The following PHTF1 variants were observed in gnomAD, a reference collection of about 807,000 sequenced individuals.
PHTF1 encodes putative homeodomain transcription factor 1.
In PHTF1, 88 loss-of-function variants were observed where a neutral mutation model predicts 102.4. The ratio of observed to expected loss-of-function variants is 0.86; its 90% confidence interval spans 0.72 to 1.03. The LOEUF is 1.03. PHTF1 is among the 50% of genes least tolerant of loss of function. The pLI, the probability that PHTF1 is intolerant of heterozygous loss-of-function variation, is 0.00. For missense variants in PHTF1, 814 were observed against 909.5 expected, an observed-to-expected ratio of 0.89 and a Z score of 1.35; for synonymous variants, 289 against 305.2, an observed-to-expected ratio of 0.95 and a Z score of 0.55.
At chr1:113,753,710 C>T (rs1658428419) in intron 3 of PHTF1, among the ~76,000 whole-genome samples, 1 of 151,924 alleles carries the variant, frequency 6.6e-6, no homozygotes, top group Non-Finnish European at 1.5e-5. Flanking sequence ...AGGCATCAGC[C>T]ACCGTGCCCA....
chr1:113,726,773 T>C lies in PHTF1; in HGVS notation c.332-199A>G, dbSNP rs564871614. Among the ~76,000 whole-genome samples, 18 of 152,360 alleles carry C rather than the reference T, an allele frequency of 1.2e-4. No individual in the cohort carries two copies. The South Asian group carries it at 1.2e-3, about 11-fold the overall frequency. On this transcript the variant is annotated intron_variant, in intron 5 of 18. Coordinates refer to ENST00000369604, the MANE Select transcript of PHTF1 (RefSeq NM_001323043.2). ...AGATCCCTCGGCAAGTGAAGAATAC[T>C]GTGTTAAAAGGATTTACCTTTCTAG...
At chr1:113,718,769 A>T (rs528127093) in intron 7 of PHTF1, among the ~76,000 whole-genome samples, 1 of 152,296 alleles carries the variant, frequency 6.6e-6, no homozygotes, top group East Asian at 1.9e-4. Flanking sequence ...GGGACATGGG[A>T]CACCAAGTCC....
chr1:113,759,150 G>C lies in PHTF1; in HGVS notation c.-158C>G, dbSNP rs1659339449. ...ATCTTCCCCTCCAGGCGGAGACGCC[G>C]GAGAGGCCGTTACCATGGAGACCGC... On this transcript the variant is annotated 5_prime_UTR_variant, in exon 1 of 19. Coordinates refer to ENST00000369604, the MANE Select transcript of PHTF1 (RefSeq NM_001323043.2). The C allele has an allele frequency of 5.4e-6, 5 of 922,394 alleles. No homozygotes were observed. The highest frequency in any genetic ancestry group is 6.5e-6 in the Non-Finnish European group (5 of 771,820). The allele number at this position is 922,394 out of a possible 1,614,324, so 57.1% of individuals were successfully genotyped here.
At chr1:113,752,963 G>A (rs1658314755) in intron 3 of PHTF1, among the ~76,000 whole-genome samples, 2 of 152,160 alleles carry the variant, frequency 1.3e-5, no homozygotes, top group African/African-American at 2.4e-5. Context: ...TGTTGAAGAA[G>A]TTCCCCTAAG....
intron 3 of PHTF1, among the ~76,000 whole-genome samples, chr1:113,744,782 T>C (rs1004357100): frequency 1.3e-5 from 2 of 152,062 alleles, no homozygotes; most frequent in Non-Finnish European, 2.9e-5. Context: ...CTGTCTCTTA[T>C]ACTAAAATGC....
At position 113,699,754 on chromosome 1, in the gene PHTF1, GTTCT is replaced by G; in HGVS notation, c.2088_2091del (p.Lys696AsnfsTer5). ...AATACATTGTTTACTAGAGTAAGCT[GTTCT>G]TTCTTATTTGGCTTTTTTTCCATCT... On this transcript the variant is annotated frameshift_variant, in exon 17 of 19. Transcript: ENST00000369604. LOFTEE classifies it high-confidence loss of function. 6.8e-7 allele frequency: 1 copy of G among 1,465,868 alleles called. No homozygotes were observed. Among genetic ancestry groups the G allele is most frequent in the Non-Finnish European group, 9.4e-7 (1 of 1,059,358 alleles). 90.8% of individuals were successfully genotyped at this position (1,465,868 alleles called of 1,614,324 possible).
intron 11 of PHTF1, 99 bp from the exon 12 acceptor site, chr1:113,706,821 A>G: frequency 2.1e-6 from 1 of 482,700 alleles, no homozygotes. Context: ...TCTAATAACC[A>G]CCTCTATAAT....
intron 5 of PHTF1, among the ~76,000 whole-genome samples, chr1:113,726,957 G>A (rs1443387071): frequency 6.6e-6 from 1 of 152,168 alleles, no homozygotes; most frequent in African/African-American, 2.4e-5. Flanking sequence ...AACCCAGGTA[G>A]TCAGGCTCCA....
chr1:113,698,057 T>C (rs921925215), intron 18 of PHTF1, among the ~76,000 whole-genome samples: 1 of 152,174 alleles, frequency 6.6e-6, no homozygotes, highest in African/African-American at 2.4e-5. Flanking sequence ...CTGTCTGTTA[T>C]ATTTGTGTAA....
intron 5 of PHTF1, among the ~76,000 whole-genome samples, chr1:113,730,968 A>G (rs1186221078): frequency 1.3e-5 from 2 of 152,226 alleles, no homozygotes; most frequent in Non-Finnish European, 2.9e-5. Context: ...AGTAGTCAAA[A>G]TCATAGAGGC....
intron 7 of PHTF1, among the ~76,000 whole-genome samples, chr1:113,716,615 G>A (rs555317719): frequency 2.6e-5 from 4 of 152,180 alleles, no homozygotes; most frequent in South Asian, 4.1e-4. Flanking sequence ...CTCCCAAAGT[G>A]CTGGGATTAT....
chr1:113,704,328 A>C (rs762194050), intron 14 of PHTF1, among the ~76,000 whole-genome samples, 161 bp from the exon 15 acceptor site: 1 of 152,226 alleles, frequency 6.6e-6, no homozygotes, highest in African/African-American at 2.4e-5. Context: ...ATCAACTTTA[A>C]GTACTGAAAT....
intron 10 of PHTF1, among the ~76,000 whole-genome samples, chr1:113,710,810 A>ATATT (rs1170593121): frequency 1.5e-4 from 19 of 122,678 alleles, no homozygotes; most frequent in Middle Eastern, 4.1e-3. Flanking sequence ...ATATATATAT[A>ATATT]TTTTTTTTTT....
chr1:113,754,777 C>T (rs920419677), intron 3 of PHTF1, among the ~76,000 whole-genome samples: 3 of 152,044 alleles, frequency 2.0e-5, no homozygotes, highest in Non-Finnish European at 4.4e-5. Flanking sequence ...TACTCAAAAA[C>T]CATTAAAACC....
intron 3 of PHTF1, among the ~76,000 whole-genome samples, chr1:113,744,451 G>T (rs1472471098): frequency 2.6e-5 from 4 of 152,180 alleles, no homozygotes; most frequent in Non-Finnish European, 5.9e-5. Flanking sequence ...ACAGTCTGGT[G>T]CAGAGAGGGA....
rs1306469013 is a variant in PHTF1, at chr1:113,706,707, G to A, written c.1285C>T (p.Leu429Phe). 6.9e-6 allele frequency: 11 copies of A among 1,603,534 alleles called. No homozygotes were observed. The highest frequency in any genetic ancestry group is 1.3e-5 in the African/African-American group (1 of 74,372). The change falls in exon 12 of 19, where the codon CTT (leucine) becomes TTT (phenylalanine). Residue 429 changes from leucine to phenylalanine, a missense_variant. Coordinates refer to ENST00000369604, the MANE Select transcript of PHTF1 (RefSeq NM_001323043.2). ...TCAGAGGAAGGACTTGAATTCTGAAGCCAGAATAAATGATTCTGAGAAGAA... is the reference window on the plus strand; with the variant it reads ...TCAGAGGAAGGACTTGAATTCTGAAACCAGAATAAATGATTCTGAGAAGAA... The part of the protein sequence containing the change: ...DVFQQNHLFW[L>F]QNSSPSSDRV...
chr1:113,722,015 A>G (rs987077596), intron 7 of PHTF1, among the ~76,000 whole-genome samples: 7 of 152,086 alleles, frequency 4.6e-5, no homozygotes, highest in African/African-American at 1.7e-4. Context: ...GCATTTCTAT[A>G]TGCCAACAGC....
intron 7 of PHTF1, among the ~76,000 whole-genome samples, chr1:113,719,936 T>C (rs2101329443): frequency 6.6e-6 from 1 of 152,256 alleles, no homozygotes; most frequent in Non-Finnish European, 1.5e-5. Context: ...ACTTCTTAGA[T>C]GGTGGCGGCA....
rs115161862 is a variant in PHTF1 at position 113,698,522 on chromosome 1, C to A, written c.2143-135G>T. 4.9e-3 allele frequency: 3,393 copies of A among 693,362 alleles called. 92 individuals are homozygous for A. The African/African-American group carries it at 0.055, about 11-fold the overall frequency. 43.0% of individuals were successfully genotyped at this position (693,362 alleles called of 1,614,324 possible). On this transcript the variant is annotated intron_variant, in intron 17 of 18. Transcript: ENST00000369604. ...TCCTTAATATTCAAAGAGCTACCTT[C>A]AAAAAATCCATAACGTGTTCTCACC...
Sources: gnomAD v4.1 joint callset for allele counts (sites outside exome capture counted in the v4.1 genomes callset) on GRCh38, gnomAD v4.1.1 for gene constraint, MANE v1.5 for transcripts, NCBI Gene and HGNC (gene_info 2026-07-23, HGNC 2026-07-21) for gene names.